The following SCHIP1 variants were observed in gnomAD, a reference collection of about 807,000 sequenced individuals.
SCHIP1 encodes schwannomin-interacting protein 1.
In SCHIP1, 8 loss-of-function variants were observed where a neutral mutation model predicts 29.7. The observed-to-expected ratio is 0.27, with a 90% confidence interval of 0.16 to 0.49. The LOEUF is 0.49. SCHIP1 is among the 20% of genes least tolerant of loss of function. SCHIP1 has a pLI of 0.99. For missense variants in SCHIP1, 193 were observed against 294.6 expected (o/e 0.66, Z 2.52); for synonymous variants, 76 against 94.9 (o/e 0.80, Z 1.16).
chr3:159,793,119 G>T, the SCHIP1 span, among the ~76,000 whole-genome samples: 14 of 152,164 alleles, frequency 9.2e-5, no homozygotes, highest in South Asian at 2.7e-3. Context: ...CTTAGCCCTC[G>T]CCATGTATCA....
At chr3:159,361,361 G>T in the SCHIP1 span, among the ~76,000 whole-genome samples, 1 of 152,122 alleles carries the variant, frequency 6.6e-6, no homozygotes, top group African/African-American at 2.4e-5. Context: ...GACACAGACT[G>T]CCAAGATCCT....
chr3:159,674,652 C>G, the SCHIP1 span, among the ~76,000 whole-genome samples: 2,869 of 94,530 alleles, frequency 0.03, 62 homozygotes, highest in African/African-American at 0.062. Context: ...TAGAAAAATA[C>G]ATTTGAATTA....
the SCHIP1 span, among the ~76,000 whole-genome samples, chr3:159,694,609 G>GAAAGAAAGA: frequency 7.1e-6 from 1 of 140,380 alleles, no homozygotes; most frequent in African/African-American, 2.8e-5. Context: ...AGAAAGAAAG[G>GAAAGAAAGA]AATTATGACC....
the SCHIP1 span, among the ~76,000 whole-genome samples, chr3:159,823,531 C>T: frequency 2.6e-5 from 4 of 152,100 alleles, no homozygotes; most frequent in African/African-American, 7.2e-5. Flanking sequence ...TCAGGGCCAG[C>T]GTGGGTCCCA....
At chr3:159,859,531 G>A (rs921252848) in intron 1 of SCHIP1, among the ~76,000 whole-genome samples, 5 of 152,216 alleles carry the variant, frequency 3.3e-5, no homozygotes, top group South Asian at 4.1e-4. Context: ...TCCCAGTTAC[G>A]TTCCCTGGCG....
the SCHIP1 span, among the ~76,000 whole-genome samples, chr3:159,468,770 TATATATA>T: frequency 7.9e-6 from 1 of 126,934 alleles, no homozygotes; most frequent in Non-Finnish European, 1.6e-5. Context: ...TATATATATA[TATATATA>T]TTTTTTTTAG....
chr3:159,383,483 C>G, the SCHIP1 span, among the ~76,000 whole-genome samples: 7 of 151,920 alleles, frequency 4.6e-5, no homozygotes, highest in African/African-American at 1.7e-4. Flanking sequence ...CTTTTGGTAC[C>G]AGTACCATGC....
chr3:159,765,313 G>A, the SCHIP1 span: 1 of 717,462 alleles, frequency 1.4e-6, no homozygotes, highest in South Asian at 2.1e-5. Flanking sequence ...AGGTTGCTCG[G>A]TCTGTGAGCT....
At chr3:159,277,996 T>C in the SCHIP1 span, among the ~76,000 whole-genome samples, 1 of 151,686 alleles carries the variant, frequency 6.6e-6, no homozygotes, top group African/African-American at 2.4e-5. Context: ...GAAAGATGAG[T>C]CACACTGGAT....
At chr3:159,877,121 G>A (rs1715906836) in intron 2 of SCHIP1, among the ~76,000 whole-genome samples, 1 of 152,200 alleles carries the variant, frequency 6.6e-6, no homozygotes, top group Non-Finnish European at 1.5e-5. Context: ...GGCCAAGGCA[G>A]GTGGATCACC....
At chr3:159,635,781 G>C in the SCHIP1 span, among the ~76,000 whole-genome samples, 1 of 152,124 alleles carries the variant, frequency 6.6e-6, no homozygotes, top group Non-Finnish European at 1.5e-5. Context: ...AGGTAAAGAA[G>C]GACATTTCAT....
chr3:159,463,741 G>GATATATATATAT, the SCHIP1 span, among the ~76,000 whole-genome samples: 3 of 149,438 alleles, frequency 2.0e-5, no homozygotes, highest in African/African-American at 7.4e-5. Context: ...AACAGAATGA[G>GATATATATATAT]ATATATATAT....
the SCHIP1 span, among the ~76,000 whole-genome samples, chr3:159,459,933 C>A: frequency 1.3e-5 from 2 of 152,146 alleles, no homozygotes; most frequent in Non-Finnish European, 1.5e-5. Context: ...ATCCTGCCAA[C>A]ACCTTGATCT....
the SCHIP1 span, among the ~76,000 whole-genome samples, chr3:159,356,463 C>T: frequency 4.6e-5 from 7 of 152,194 alleles, no homozygotes; most frequent in Middle Eastern, 6.8e-3. Flanking sequence ...TGTTATTTAG[C>T]AAGTCCCTAT....
At chr3:159,790,971 A>G in the SCHIP1 span, among the ~76,000 whole-genome samples, 1 of 152,192 alleles carries the variant, frequency 6.6e-6, no homozygotes, top group Non-Finnish European at 1.5e-5. Flanking sequence ...TATCCTCAGC[A>G]TGGAAAGTTT....
At chr3:159,878,670 T>C (rs1577479809) in intron 2 of SCHIP1, among the ~76,000 whole-genome samples, 8 of 142,694 alleles carry the variant, frequency 5.6e-5, no homozygotes, top group Admixed American at 4.8e-4. Flanking sequence ...CCCAGCTACT[T>C]GGGAGGCTGA....
chr3:159,427,095 A>C, the SCHIP1 span, among the ~76,000 whole-genome samples: 1 of 152,062 alleles, frequency 6.6e-6, no homozygotes, highest in Non-Finnish European at 1.5e-5. Context: ...ATGGGCAAAA[A>C]CTGGAATGGG....
the SCHIP1 span, among the ~76,000 whole-genome samples, chr3:159,646,652 C>T: frequency 3.0e-3 from 459 of 152,250 alleles, 3 homozygotes; most frequent in African/African-American, 0.011. Flanking sequence ...CCCAACACAA[C>T]CCTGAATACA....
rs61224003 is a variant in SCHIP1, at chr3:159,850,542, CAA to C, written c.30+10351_30+10352del. The stretch of plus-strand genomic sequence containing the variant: ...GCACTCCAGGCTGGAGATTCCATCT[CAA>C]AAAAAAAAAAAAAAAAAAAAAAGGA... On this transcript the variant is annotated intron_variant, in intron 1 of 6. Transcript: ENST00000445224. Among the ~76,000 whole-genome samples, 1,097 of 104,600 alleles carry C rather than the reference CAA, an allele frequency of 0.01. 19 individuals carry two copies. The South Asian group carries it at 0.11, about 10-fold the overall frequency. The allele number at this position is 104,600 out of a possible 152,430, so 68.6% of individuals were successfully genotyped here.
Sources: gnomAD v4.1 joint callset for allele counts (sites outside exome capture counted in the v4.1 genomes callset) on GRCh38, gnomAD v4.1.1 for gene constraint, MANE v1.5 for transcripts, NCBI Gene and HGNC (gene_info 2026-07-23, HGNC 2026-07-21) for gene names.